Variants in AKIRIN2 observed in about 807,000 individuals in gnomAD.
AKIRIN2 encodes akirin 2.
Under a neutral mutation model 29.3 loss-of-function variants are expected in AKIRIN2, and 6 were observed. That is an observed-to-expected ratio of 0.20 (90% CI 0.11 to 0.40). AKIRIN2 has a LOEUF of 0.40. Among genes scored for constraint, AKIRIN2 ranks in the 10% least tolerant of loss-of-function variants. The pLI, the probability that AKIRIN2 is intolerant of heterozygous loss-of-function variation, is 1.00. For synonymous variants in AKIRIN2, 128 were observed against 117.5 expected (o/e 1.09, Z -0.58); for missense variants, 210 against 276.1 (o/e 0.76, Z 1.70).
intron 1 of AKIRIN2, chr6:87,700,768 A>G (rs915894949): frequency 1.3e-5 from 2 of 154,718 alleles, no homozygotes; most frequent in African/African-American, 4.8e-5. Context: ...TTAAAAGTTC[A>G]ACATTTCTCA....
chr6:87,675,648 C>A, intron 4 of AKIRIN2, 41 bp from the exon 5 acceptor site: 1 of 1,609,724 alleles, frequency 6.2e-7, no homozygotes, highest in South Asian at 1.1e-5. Flanking sequence ...AAATACAGGT[C>A]AAAATCCAAA....
chr6:87,678,996 G>A (rs996610050), intron 2 of AKIRIN2, among the ~76,000 whole-genome samples: 9 of 151,914 alleles, frequency 5.9e-5, no homozygotes, highest in African/African-American at 1.7e-4. Context: ...TTAGCCAGGC[G>A]TGGTGGCACA....
Position 87,675,882 on chromosome 6 carries a change from T to A in AKIRIN2, c.579A>T (p.Arg193=). The change falls in exon 4 of 5, where the codon CGA becomes CGT. Residue 193 remains arginine, a synonymous_variant. Transcript: ENST00000257787. ...TACAGCTAGCAGGCTGTTCTCCATA[T>A]CGTCGCATTATTTGATCATGCGTAA... ...VKFTHDQIMR[R]YGEQPASYVS The A allele has an allele frequency of 6.2e-7, 1 of 1,613,888 alleles. No individual in the cohort carries two copies. Among genetic ancestry groups the A allele is most frequent in the Non-Finnish European group, 8.5e-7 (1 of 1,179,944 alleles).
rs985926151 is a variant in AKIRIN2, at chr6:87,681,639, G to A, written c.360C>T (p.Leu120=). The change falls in exon 2 of 5, where the codon CTC becomes CTT. Residue 120 remains leucine, a synonymous_variant. Coordinates refer to ENST00000257787, the MANE Select transcript of AKIRIN2 (RefSeq NM_018064.4). ...TATTACCTGGTGAAGCTGGTCCACT[G>A]AGGAGAAATGCATGTGGCTGTGCAT... ...TSDAQPHAFL[L]SGPASPGTSS... is the part of the protein sequence containing the mutation. 13 of 1,609,080 alleles carry A rather than the reference G, an allele frequency of 8.1e-6. No individual in the cohort carries two copies. The highest frequency in any genetic ancestry group is 2.2e-5 in the South Asian group (2 of 89,442).
chr6:87,691,998 C>A (rs1434612529), intron 1 of AKIRIN2, among the ~76,000 whole-genome samples: 1 of 152,094 alleles, frequency 6.6e-6, no homozygotes, highest in Admixed American at 6.6e-5. Context: ...AAGCAAAGAT[C>A]CAATTGAGAG....
At chr6:87,681,792 G>A in intron 1 of AKIRIN2, 29 bp from the exon 2 acceptor site, 1 of 1,522,242 alleles carries the variant, frequency 6.6e-7, no homozygotes, top group Non-Finnish European at 8.9e-7. Context: ...AATTTGGCAA[G>A]ATAAAAACTT....
At chr6:87,677,229 A>T (rs1156245773) in intron 3 of AKIRIN2, among the ~76,000 whole-genome samples, 1 of 152,210 alleles carries the variant, frequency 6.6e-6, no homozygotes, top group Non-Finnish European at 1.5e-5. Flanking sequence ...CTAAAACCTG[A>T]TCAAGTATCA....
intron 1 of AKIRIN2, among the ~76,000 whole-genome samples, chr6:87,697,506 G>C (rs1016120774): frequency 5.3e-5 from 8 of 152,136 alleles, no homozygotes; most frequent in African/African-American, 1.9e-4. Flanking sequence ...CAAATCCAGT[G>C]AGAAACTAGG....
chr6:87,689,472 G>A (rs937950964), intron 1 of AKIRIN2, among the ~76,000 whole-genome samples: 14 of 151,842 alleles, frequency 9.2e-5, no homozygotes, highest in Non-Finnish European at 1.8e-4. Flanking sequence ...AGTGAGACTC[G>A]GTCTCAAACA....
intron 1 of AKIRIN2, among the ~76,000 whole-genome samples, chr6:87,692,788 T>C (rs530666619): frequency 6.6e-6 from 1 of 151,858 alleles, no homozygotes; most frequent in African/African-American, 2.4e-5. Flanking sequence ...CCAGCCTGGG[T>C]GACAGAGTAA....
intron 3 of AKIRIN2, among the ~76,000 whole-genome samples, chr6:87,676,461 A>G (rs1441075816): frequency 7.1e-6 from 1 of 141,282 alleles, no homozygotes; most frequent in East Asian, 2.0e-4. Context: ...AAAAAAAAAA[A>G]AAAAAAAAAA....
At chr6:87,680,096 G>T (rs1463343466) in intron 2 of AKIRIN2, among the ~76,000 whole-genome samples, 4 of 152,108 alleles carry the variant, frequency 2.6e-5, no homozygotes, top group African/African-American at 9.7e-5. Flanking sequence ...CCAGTTAACT[G>T]ATCTTCTAAG....
intron 1 of AKIRIN2, among the ~76,000 whole-genome samples, chr6:87,695,463 G>C (rs1432020159): frequency 6.6e-6 from 1 of 152,186 alleles, no homozygotes; most frequent in Non-Finnish European, 1.5e-5. Flanking sequence ...TGATAGTTTT[G>C]TATAGGCTTA....
intron 1 of AKIRIN2, among the ~76,000 whole-genome samples, chr6:87,700,253 A>C (rs1771437372): frequency 8.9e-6 from 1 of 111,884 alleles, no homozygotes; most frequent in African/African-American, 3.3e-5. Context: ...TTTAGAAAAT[A>C]TTTTTAAATG....
At chr6:87,684,260 G>GATAATC (rs1172736776) in intron 1 of AKIRIN2, among the ~76,000 whole-genome samples, 1 of 152,110 alleles carries the variant, frequency 6.6e-6, no homozygotes, top group Non-Finnish European at 1.5e-5. Context: ...TTGTTCATTT[G>GATAATC]ATAATCTCAA....
At chr6:87,700,790 T>C (rs754688306) in intron 1 of AKIRIN2, 6 of 154,762 alleles carry the variant, frequency 3.9e-5, no homozygotes, top group Non-Finnish European at 7.3e-5. Context: ...GGTCTAGACT[T>C]ATAGTGTGAT....
intron 1 of AKIRIN2, among the ~76,000 whole-genome samples, chr6:87,696,066 G>A (rs1431480788): frequency 2.0e-5 from 3 of 152,056 alleles, no homozygotes; most frequent in Non-Finnish European, 4.4e-5. Flanking sequence ...TGTATCTCCA[G>A]GTACTTGAGA....
rs1338432787 is a variant in AKIRIN2, at chr6:87,701,716, T to G, written c.-32A>C. The G allele has an allele frequency of 1.4e-6, 2 of 1,400,724 alleles. No individual in the cohort carries two copies. Among genetic ancestry groups the G allele is most frequent in the Non-Finnish European group, 1.9e-6 (2 of 1,070,922 alleles). 86.8% of individuals were successfully genotyped at this position (1,400,724 alleles called of 1,614,324 possible). A position where few individuals can be genotyped will look rare whatever the true frequency, so the allele number is the denominator to read the frequency against. The stretch of plus-strand genomic sequence containing the variant: ...GGGCAGCTGAGGCGCCGGGCTCGGG[T>G]GGGGTCGGGGACGGGTGACGAAAGA... On this transcript the variant is annotated 5_prime_UTR_variant, in exon 1 of 5. Coordinates refer to ENST00000257787, the MANE Select transcript of AKIRIN2 (RefSeq NM_018064.4).
At chr6:87,675,736 T>C in intron 4 of AKIRIN2, 124 bp downstream of exon 4, 1 of 1,452,052 alleles carries the variant, frequency 6.9e-7, no homozygotes, top group Non-Finnish European at 9.5e-7. Flanking sequence ...ATGCTGCCTA[T>C]TTCCTCCATA....
Sources: allele counts gnomAD v4.1 joint callset (sites outside exome capture counted in the v4.1 genomes callset), GRCh38; gene constraint gnomAD v4.1.1; transcripts MANE v1.5; gene names NCBI Gene and HGNC (gene_info 2026-07-23, HGNC 2026-07-21).